Variants in REG1A observed in about 807,000 individuals in gnomAD.
REG1A encodes regenerating family member 1 alpha.
REG1A carries 20 observed loss-of-function variants against 20.7 expected under a neutral mutation model. The ratio of observed to expected loss-of-function variants is 0.97; its 90% CI spans 0.68 to 1.41. The LOEUF (loss-of-function observed/expected upper bound fraction) is 1.41, where lower values mean the gene tolerates loss of function less well. Ranked by LOEUF, REG1A falls within the 40% of genes most tolerant of loss-of-function variation. The probability of loss-of-function intolerance (pLI) is 0.00; values close to 1 mark genes in which losing one functional copy is unlikely to be tolerated. For synonymous variants in REG1A, 90 were observed against 71.6 expected (o/e 1.26, Z -1.30); for missense variants, 193 against 201.8 (o/e 0.96, Z 0.26).
In REG1A at chr2:79,120,727, C is replaced by T. The variant is rs539036708; in HGVS notation, c.-46-89C>T. The T allele has an allele frequency of 1.2e-4, 65 of 558,580 alleles. 1 individual carries two copies. In the East Asian group the frequency reaches 1.8e-3, roughly 15 times the overall value. 34.6% of individuals were successfully genotyped at this position (558,580 alleles called of 1,614,324 possible). On this transcript the variant is annotated intron_variant, in intron 1 of 5. Transcript: ENST00000233735. ...GGGTGTCTCAGAGGACCTTCCTGGTCTCAGAAATTCTGAGAGGAGGTTTTA... is the reference window on the plus strand; with the variant it reads ...GGGTGTCTCAGAGGACCTTCCTGGTTTCAGAAATTCTGAGAGGAGGTTTTA...
intron 5 of REG1A, 72 bp downstream of exon 5, chr2:79,123,024 G>C (rs191326618): frequency 1.4e-6 from 2 of 1,480,384 alleles, no homozygotes; most frequent in East Asian, 2.3e-5. Flanking sequence ...ACTGGGACTG[G>C]GATAGAGGAA....
intron 2 of REG1A, 120 bp downstream of exon 2, chr2:79,121,045 G>GT: frequency 1.4e-6 from 1 of 711,734 alleles, no homozygotes; most frequent in South Asian, 2.0e-5. Context: ...GGGTTGTTTT[G>GT]TGGTGTTTAG....
In REG1A at chr2:79,123,408, T is replaced by C; in HGVS notation, c.*193T>C. The stretch of plus-strand genomic sequence containing the variant: ...ATAATAAAAATAAACATGTTTCCAC[T>C]ATTGTGCTGTCTTACTGTGTCTGCT... On this transcript the variant is annotated 3_prime_UTR_variant, in exon 6 of 6. Transcript: ENST00000233735. 1 of 514,984 alleles carries C rather than the reference T, an allele frequency of 1.9e-6. No homozygotes were observed. Among genetic ancestry groups the C allele is most frequent in the Non-Finnish European group, 3.5e-6 (1 of 287,000 alleles). The allele number at this position is 514,984 out of a possible 1,614,324, so 31.9% of individuals were successfully genotyped here.
chr2:79,123,110 C>G (rs373962862), intron 5 of REG1A, 38 bp from the exon 6 acceptor site: 1 of 1,552,234 alleles, frequency 6.4e-7, no homozygotes, highest in Non-Finnish European at 8.9e-7. Flanking sequence ...CATACTCTTT[C>G]GGGTCTCCCA....
At chr2:79,122,808 C>T in intron 4 of REG1A, 33 bp from the exon 5 acceptor site, 1 of 1,480,584 alleles carries the variant, frequency 6.8e-7, no homozygotes, top group Non-Finnish European at 9.4e-7. Flanking sequence ...TTTTGAGTGA[C>T]CACTGCCTCT....
chr2:79,122,397 G>C (rs776033562), intron 4 of REG1A, among the ~76,000 whole-genome samples: 2 of 152,096 alleles, frequency 1.3e-5, no homozygotes, highest in Admixed American at 6.5e-5. Context: ...TACCTATTTT[G>C]TTACTGTCAG....
In REG1A at chr2:79,122,836, T is replaced by C. The variant is rs184789172; in HGVS notation, c.322-5T>C. The C allele has an allele frequency of 1.2e-5, 19 of 1,611,674 alleles. No homozygotes were observed. The East Asian group carries it at 4.2e-4, about 36-fold the overall frequency. The stretch of plus-strand genomic sequence containing the variant: ...CTGCCTCTGTTCTGGCCCTTCCCCA[T>C]CTAGAACCGCCGCTGGCACTGGAGC... On this transcript the variant is annotated splice_polypyrimidine_tract_variant and splice_region_variant and intron_variant, in intron 4 of 5. Transcript: ENST00000233735.
Position 79,123,368 on chromosome 2 carries a change from T to G in REG1A, c.*153T>G, listed in dbSNP as rs1364357721. 1 of 556,816 alleles carries G rather than the reference T, an allele frequency of 1.8e-6. No homozygotes were observed. Among genetic ancestry groups the G allele is most frequent in the Non-Finnish European group, 3.2e-6 (1 of 309,340 alleles). The allele number at this position is 556,816 out of a possible 1,614,324, so 34.5% of individuals were successfully genotyped here. On this transcript the variant is annotated 3_prime_UTR_variant, in exon 6 of 6. Transcript: ENST00000233735. ...TCTTCAATAGTTTTACCTACCCCAG[T>G]CTTTGGAACCCTAAATAATAAAAAT...
intron 4 of REG1A, 109 bp from the exon 5 acceptor site, chr2:79,122,732 G>T: frequency 3.9e-6 from 3 of 774,804 alleles, no homozygotes; most frequent in Non-Finnish European, 4.5e-6. Flanking sequence ...ATTTAGCAAG[G>T]TTTATTCTTC....
intron 3 of REG1A, 40 bp from the exon 4 acceptor site, chr2:79,121,948 C>A: frequency 6.2e-7 from 1 of 1,608,882 alleles, no homozygotes; most frequent in South Asian, 1.1e-5. Flanking sequence ...TCCGTCACAA[C>A]TTCCTCCTCC....
Position 79,120,800 on chromosome 2 carries a change from C to G in REG1A, c.-46-16C>G. 7.5e-7 allele frequency: 1 copy of G among 1,325,004 alleles called. No homozygotes were observed. Among genetic ancestry groups the G allele is most frequent in the Admixed American group, 2.0e-5 (1 of 49,470 alleles). The allele number at this position is 1,325,004 out of a possible 1,614,324, so 82.1% of individuals were successfully genotyped here. ...TCTCCATCTCTCAGAACCCCCTTCT[C>G]TGTGTTCTCCTATAGAGATTGTTGA... On this transcript the variant is annotated splice_polypyrimidine_tract_variant and intron_variant, in intron 1 of 5. Transcript: ENST00000233735.
intron 1 of REG1A, 22 bp from the exon 2 acceptor site, chr2:79,120,794 C>T: frequency 1.6e-6 from 2 of 1,264,048 alleles, no homozygotes; most frequent in Non-Finnish European, 2.2e-6. Flanking sequence ...CTCAGAACCC[C>T]CTTCTCTGTG....
intron 5 of REG1A, 72 bp from the exon 6 acceptor site, chr2:79,123,076 C>T (rs1408676901): frequency 3.4e-6 from 5 of 1,463,598 alleles, no homozygotes; most frequent in Non-Finnish European, 4.8e-6. Context: ...TGGTTTTTGT[C>T]CTGAGTCCTA....
At chr2:79,122,241 CA>C in intron 4 of REG1A, 116 bp downstream of exon 4, 3 of 1,159,606 alleles carry the variant, frequency 2.6e-6, no homozygotes, top group Non-Finnish European at 3.7e-6. Flanking sequence ...AGGCTGTTTA[CA>C]GATCCTCTAA....
At chr2:79,121,794 C>T in intron 3 of REG1A, 114 bp downstream of exon 3, 1 of 1,322,276 alleles carries the variant, frequency 7.6e-7, no homozygotes, top group Non-Finnish European at 1.1e-6. Context: ...GCTATACTAT[C>T]ATCAGCCCCA....
Position 79,122,003 on chromosome 2 carries a change from A to G in REG1A, c.199A>G (p.Met67Val). 1 of 1,614,002 alleles carries G rather than the reference A, an allele frequency of 6.2e-7. No homozygotes were observed. ...TCTGCAACAGCTCTATTGCCAGAAC[A>G]TGAATTCGGGCAACCTGGTGTCTGT... is the stretch of plus-strand genomic sequence containing the variant. ...WVDADLYCQN[M>V]NSGNLVSVLT... is the part of the protein sequence containing the mutation. The change falls in exon 4 of 6, where the codon ATG (methionine) becomes GTG (valine). Residue 67 changes from methionine (M) to valine (V), a missense_variant. Met to Val is a conservative substitution (Grantham distance 21). Coordinates refer to ENST00000233735, the MANE Select transcript of REG1A (RefSeq NM_002909.5).
rs1318655831 is a variant in REG1A, at chr2:79,121,566, A to T, written c.69A>T (p.Gln23His). The T allele has an allele frequency of 6.2e-7, 1 of 1,613,790 alleles. No homozygotes were observed. Among genetic ancestry groups the T allele is most frequent in the Non-Finnish European group, 8.5e-7 (1 of 1,179,698 alleles). ...TAATTGTCTCTTCTTTTTCAGGCCA[A>T]GAGGCCCAGACAGAGTTGCCCCAGG... ...CLMFLSQSQG[Q>H]EAQTELPQAR... is the part of the protein sequence containing the mutation. Residue 23 changes from glutamine to histidine, a missense_variant, in exon 3 of 6, where the codon CAA becomes CAT. Coordinates refer to ENST00000233735, the MANE Select transcript of REG1A (RefSeq NM_002909.5).
At chr2:79,121,163 G>A (rs1229221966) in intron 2 of REG1A, among the ~76,000 whole-genome samples, 1 of 152,154 alleles carries the variant, frequency 6.6e-6, no homozygotes, top group African/African-American at 2.4e-5. Flanking sequence ...CAGTTGGCAT[G>A]AGTTTATCTG....
intron 2 of REG1A, 78 bp downstream of exon 2, chr2:79,121,003 G>GAAA (rs11339710): frequency 2.5e-5 from 18 of 720,178 alleles, no homozygotes; most frequent in South Asian, 1.4e-4. Flanking sequence ...GGGTCTACTT[G>GAAA]AAAAAAAAAA....
Sources: gnomAD v4.1 joint callset for allele counts (sites outside exome capture counted in the v4.1 genomes callset) on GRCh38, gnomAD v4.1.1 for gene constraint, MANE v1.5 for transcripts, NCBI Gene and HGNC (gene_info 2026-07-23, HGNC 2026-07-21) for gene names.